The following CREB5 variants were observed in gnomAD, a reference collection of about 807,000 sequenced individuals.
CREB5 encodes cAMP responsive element binding protein 5.
Under a neutral mutation model 57.1 loss-of-function variants are expected in CREB5, and 19 were observed. That is an observed-to-expected ratio of 0.33 (90% CI 0.23 to 0.49). The LOEUF (loss-of-function observed/expected upper bound fraction) is 0.49. Ranked by LOEUF, CREB5 falls within the 20% of genes least tolerant of loss-of-function variation. CREB5 has a pLI of 0.99. For missense variants in CREB5, 579 were observed against 671.6 expected (o/e 0.86, Z 1.52); for synonymous variants, 238 against 238.3 (o/e 1.00, Z 0.01).
At chr7:28,449,189 A>G (rs1001978308) in intron 1 of CREB5, among the ~76,000 whole-genome samples, 9 of 152,194 alleles carry the variant, frequency 5.9e-5, no homozygotes, top group Non-Finnish European at 1.2e-4. Flanking sequence ...ACTAAAGGCA[A>G]TCTTCTCTAA....
chr7:28,322,962 T>G (rs1288286494), intron 1 of CREB5, among the ~76,000 whole-genome samples: 2 of 152,146 alleles, frequency 1.3e-5, no homozygotes, highest in Non-Finnish European at 2.9e-5. Flanking sequence ...CTTAGTCCCC[T>G]CCCTCTGTCC....
intron 7 of CREB5, among the ~76,000 whole-genome samples, chr7:28,798,797 T>A (rs377753704): frequency 6.6e-6 from 1 of 152,250 alleles, no homozygotes; most frequent in African/African-American, 2.4e-5. Flanking sequence ...TGCAGTCATG[T>A]CAGTAATAGC....
chr7:28,467,152 C>T (rs1324416399), intron 1 of CREB5, among the ~76,000 whole-genome samples: 1 of 152,138 alleles, frequency 6.6e-6, no homozygotes, highest in East Asian at 1.9e-4. Flanking sequence ...AGCCCTCCAA[C>T]TGAGGGAATC....
At chr7:28,449,096 C>T (rs530584787) in intron 1 of CREB5, among the ~76,000 whole-genome samples, 2 of 152,182 alleles carry the variant, frequency 1.3e-5, no homozygotes, top group Non-Finnish European at 2.9e-5. Flanking sequence ...TTCTCCTCTT[C>T]CATGTAATAT....
At chr7:28,706,706 G>A (rs1802123771) in intron 5 of CREB5, among the ~76,000 whole-genome samples, 1 of 152,130 alleles carries the variant, frequency 6.6e-6, no homozygotes, top group South Asian at 2.1e-4. Flanking sequence ...AAGTGCTCTT[G>A]CAAAGTGGGA....
At chr7:28,323,981 C>G (rs967156756) in intron 1 of CREB5, among the ~76,000 whole-genome samples, 1 of 152,074 alleles carries the variant, frequency 6.6e-6, no homozygotes, top group Non-Finnish European at 1.5e-5. Context: ...GTTCATGCTC[C>G]TATGAGAATC....
At chr7:28,401,177 G>A (rs759683072) in intron 1 of CREB5, among the ~76,000 whole-genome samples, 15 of 152,052 alleles carry the variant, frequency 9.9e-5, no homozygotes, top group Non-Finnish European at 1.9e-4. Flanking sequence ...ATTAAGATAA[G>A]AGCAACTTTT....
At chr7:28,471,475 G>C (rs959619251) in intron 1 of CREB5, among the ~76,000 whole-genome samples, 1 of 151,996 alleles carries the variant, frequency 6.6e-6, no homozygotes, top group Non-Finnish European at 1.5e-5. Flanking sequence ...GGTTACTATA[G>C]CTCAGTATAA....
chr7:28,359,884 C>T (rs1417217053), intron 1 of CREB5, among the ~76,000 whole-genome samples: 1 of 152,086 alleles, frequency 6.6e-6, no homozygotes, highest in South Asian at 2.1e-4. Context: ...AGCAAGGAAA[C>T]AAATAACCTG....
At chr7:28,481,488 A>G (rs2128589869) in intron 1 of CREB5, among the ~76,000 whole-genome samples, 1 of 152,328 alleles carries the variant, frequency 6.6e-6, no homozygotes, top group Non-Finnish European at 1.5e-5. Flanking sequence ...ATGTTCACTT[A>G]TAAGGTACAG....
chr7:28,754,177 G>A (rs1340554882), intron 7 of CREB5, among the ~76,000 whole-genome samples: 1 of 152,168 alleles, frequency 6.6e-6, no homozygotes, highest in Non-Finnish European at 1.5e-5. Context: ...GGAGAGTGAG[G>A]TAAGAACACA....
intron 4 of CREB5, among the ~76,000 whole-genome samples, chr7:28,540,861 G>A (rs1160202255): frequency 3.3e-5 from 5 of 152,158 alleles, no homozygotes; most frequent in Non-Finnish European, 5.9e-5. Flanking sequence ...ATACCCATGA[G>A]CATGTGGGAG....
chr7:28,329,268 T>A (rs1048924378), intron 1 of CREB5, among the ~76,000 whole-genome samples: 4 of 152,204 alleles, frequency 2.6e-5, no homozygotes, highest in African/African-American at 9.6e-5. Flanking sequence ...TTCCCTTTTT[T>A]GGCATCATGC....
At chr7:28,361,471 T>C (rs991814495) in intron 1 of CREB5, among the ~76,000 whole-genome samples, 10 of 152,336 alleles carry the variant, frequency 6.6e-5, no homozygotes, top group African/African-American at 2.4e-4. Flanking sequence ...CACATCCTTT[T>C]CCCTGCCCCA....
At chr7:28,676,129 G>A (rs569116484) in intron 5 of CREB5, among the ~76,000 whole-genome samples, 23 of 152,204 alleles carry the variant, frequency 1.5e-4, no homozygotes, top group South Asian at 8.3e-4. Context: ...GTGGCCCTAG[G>A]CTAGAAGATA....
intron 5 of CREB5, among the ~76,000 whole-genome samples, chr7:28,658,689 T>G (rs895889265): frequency 1.3e-5 from 2 of 152,038 alleles, no homozygotes; most frequent in African/African-American, 4.8e-5. Flanking sequence ...CAGCCTGGCT[T>G]TCTTAGACTC....
chr7:28,326,182 TATC>T, intron 1 of CREB5, among the ~76,000 whole-genome samples: 1 of 150,480 alleles, frequency 6.6e-6, no homozygotes, highest in African/African-American at 2.4e-5. Flanking sequence ...TCTATCTATC[TATC>T]TATCTATCTA....
At chr7:28,766,459 G>A (rs1805994009) in intron 7 of CREB5, among the ~76,000 whole-genome samples, 1 of 152,206 alleles carries the variant, frequency 6.6e-6, no homozygotes, top group Non-Finnish European at 1.5e-5. Flanking sequence ...AAAGTCTGTT[G>A]AAAAGATGAC....
intron 5 of CREB5, among the ~76,000 whole-genome samples, chr7:28,690,909 G>C (rs985957910): frequency 3.9e-5 from 6 of 152,132 alleles, no homozygotes; most frequent in African/African-American, 1.2e-4. Flanking sequence ...CCTAGAAACA[G>C]AGAAGTAAAA....
Sources: allele counts gnomAD v4.1 joint callset (sites outside exome capture counted in the v4.1 genomes callset), GRCh38; gene constraint gnomAD v4.1.1; transcripts MANE v1.5; gene names NCBI Gene and HGNC (gene_info 2026-07-23, HGNC 2026-07-21).